The following SCAPER variants were observed in gnomAD, a reference collection of about 807,000 sequenced individuals.
The protein encoded by SCAPER is S phase cyclin A-associated protein in the endoplasmic reticulum.
In SCAPER, 98 loss-of-function variants were observed where a neutral mutation model predicts 182.2. The ratio of observed to expected loss-of-function variants is 0.54; its 90% CI spans 0.46 to 0.64. The LOEUF (loss-of-function observed/expected upper bound fraction) is 0.64. Among genes scored for constraint, SCAPER ranks in the 30% least tolerant of loss-of-function variants. SCAPER has a pLI of 0.00. For missense variants in SCAPER, 1,432 were observed against 1,690.0 expected (o/e 0.85, Z 2.68); for synonymous variants, 605 against 564.6 (o/e 1.07, Z -1.01).
chr15:76,399,761 T>C (rs2142095497), intron 27 of SCAPER, among the ~76,000 whole-genome samples: 1 of 151,920 alleles, frequency 6.6e-6, no homozygotes, highest in East Asian at 1.9e-4. Context: ...TCCTAACACT[T>C]TGGGAGGCTG....
chr15:76,887,839 C>A (rs1375378536), intron 1 of SCAPER, among the ~76,000 whole-genome samples: 2 of 152,334 alleles, frequency 1.3e-5, no homozygotes, highest in East Asian at 3.9e-4. Flanking sequence ...TGAGGACAGA[C>A]AGACTGCCTC....
intron 2 of SCAPER, among the ~76,000 whole-genome samples, chr15:76,876,240 C>A (rs2073150226): frequency 6.6e-6 from 1 of 152,152 alleles, no homozygotes; most frequent in Non-Finnish European, 1.5e-5. Context: ...CTGGCCTCAA[C>A]CAGCCCAGAG....
rs773031883 is a variant in SCAPER, at chr15:76,733,310, T to C, written c.1941A>G (p.Glu647=). 6 of 1,613,206 alleles carry C rather than the reference T, an allele frequency of 3.7e-6. No individual in the cohort carries two copies. The highest frequency in any genetic ancestry group is 3.3e-5 in the South Asian group (3 of 90,874). The part of the protein sequence containing the change: ...KRHDVLSKLK[E]YEQRLNELQE... ...GTAGCTCATTAAGCCTCTGTTCATA[T>C]TCCTTCAATTTTGATAAAACATCAT... Residue 647 remains glutamate (E), a synonymous_variant, in exon 16 of 32, where the codon GAA becomes GAG. Transcript: ENST00000563290.
chr15:76,665,815 A>C, intron 20 of SCAPER, 26 bp from the exon 21 acceptor site: 1 of 1,462,418 alleles, frequency 6.8e-7, no homozygotes. Context: ...ATAAAATAAT[A>C]ATAATGAGGA....
At chr15:76,406,702 C>G (rs1227603750) in intron 26 of SCAPER, among the ~76,000 whole-genome samples, 1 of 152,048 alleles carries the variant, frequency 6.6e-6, no homozygotes, top group Non-Finnish European at 1.5e-5. Context: ...AATGAATTAT[C>G]CCAAGAACAC....
intron 23 of SCAPER, among the ~76,000 whole-genome samples, chr15:76,536,804 T>C (rs557298720): frequency 6.6e-6 from 1 of 152,208 alleles, no homozygotes; most frequent in Non-Finnish European, 1.5e-5. Context: ...CATGATTCTA[T>C]TATCTAGAAA....
chr15:76,555,221 G>A (rs1026672534), intron 23 of SCAPER, among the ~76,000 whole-genome samples: 34 of 152,102 alleles, frequency 2.2e-4, no homozygotes, highest in African/African-American at 2.9e-4. Flanking sequence ...ACTCCTCTAC[G>A]AAAGGTCCTT....
chr15:76,631,210 T>C (rs1488909693), intron 21 of SCAPER, among the ~76,000 whole-genome samples: 1 of 152,228 alleles, frequency 6.6e-6, no homozygotes, highest in Non-Finnish European at 1.5e-5. Flanking sequence ...AGCTTTTGAA[T>C]GCAGCACACT....
At chr15:76,495,577 CAAAAAAAA>C (rs71444987) in intron 24 of SCAPER, among the ~76,000 whole-genome samples, 4 of 56,956 alleles carry the variant, frequency 7.0e-5, no homozygotes, top group African/African-American at 1.4e-4. Context: ...GACTTGGTCT[CAAAAAAAA>C]AAAAAAAAAA....
chr15:76,490,831 G>C (rs117357387), intron 24 of SCAPER, among the ~76,000 whole-genome samples: 1 of 152,002 alleles, frequency 6.6e-6, no homozygotes, highest in Non-Finnish European at 1.5e-5. Context: ...ATAAGATAAG[G>C]GTCCAGTTTC....
chr15:76,504,524 T>C (rs966113984), intron 24 of SCAPER, among the ~76,000 whole-genome samples: 1 of 152,252 alleles, frequency 6.6e-6, no homozygotes, highest in South Asian at 2.1e-4. Context: ...TTTTTTCACA[T>C]GTAACACAGT....
Position 76,434,185 on chromosome 15 carries a change from T to G in SCAPER, c.3204A>C (p.Arg1068=), listed in dbSNP as rs760393864. Residue 1068 remains arginine, a synonymous_variant, in exon 26 of 32, where the codon CGA becomes CGC. Transcript: ENST00000563290. Reference sequence around the variant, plus strand: ...TAGCTGGCTGGCAGTTTCCATCTGGTCGATTGGCAATCAGGCAGCCCAAAA... The same window carrying G: ...TAGCTGGCTGGCAGTTTCCATCTGGGCGATTGGCAATCAGGCAGCCCAAAA... ...AVVLGCLIAN[R]PDGNCQPATP... is the part of the protein sequence containing the mutation. 23 of 1,613,872 alleles carry G rather than the reference T, an allele frequency of 1.4e-5. No individual in the cohort carries two copies. The highest frequency in any genetic ancestry group is 1.8e-5 in the Non-Finnish European group (21 of 1,179,882).
At chr15:76,889,576 G>T (rs571473198) in intron 1 of SCAPER, among the ~76,000 whole-genome samples, 2 of 152,168 alleles carry the variant, frequency 1.3e-5, no homozygotes, top group South Asian at 4.1e-4. Context: ...AGACAAAGAA[G>T]GCCATTACAT....
In SCAPER at chr15:76,507,889, A is replaced by C. The variant is rs565441523; in HGVS notation, c.2839-2915T>G. Among the ~76,000 whole-genome samples the C allele has an allele frequency of 4.6e-4, 70 of 152,328 alleles. 1 individual carries two copies. The highest frequency in any genetic ancestry group is 1.6e-3 in the Admixed American group (24 of 15,284). Reference sequence around the variant, plus strand: ...AATGCTGTTGTTACTGCCTCTGTTTATGCTAGGATGTCAACATATTTAGAA... The same window carrying C: ...AATGCTGTTGTTACTGCCTCTGTTTCTGCTAGGATGTCAACATATTTAGAA... On this transcript the variant is annotated intron_variant, in intron 23 of 31. Coordinates refer to ENST00000563290, the MANE Select transcript of SCAPER (RefSeq NM_020843.4).
At chr15:76,768,951 T>C (rs913188231) in intron 10 of SCAPER, among the ~76,000 whole-genome samples, 3 of 152,134 alleles carry the variant, frequency 2.0e-5, no homozygotes, top group Non-Finnish European at 4.4e-5. Flanking sequence ...GAACAAACAT[T>C]GTGTTACATG....
intron 24 of SCAPER, among the ~76,000 whole-genome samples, chr15:76,500,573 C>A (rs1238652140): frequency 2.0e-5 from 3 of 151,986 alleles, no homozygotes; most frequent in Non-Finnish European, 4.4e-5. Flanking sequence ...TACAAACTGG[C>A]AACACAAAGT....
intron 1 of SCAPER, among the ~76,000 whole-genome samples, chr15:76,896,309 T>C (rs1254371965): frequency 6.6e-6 from 1 of 152,082 alleles, no homozygotes; most frequent in Non-Finnish European, 1.5e-5. Flanking sequence ...AGGTCAACGC[T>C]GCAGTGAGTT....
chr15:76,871,802 G>C lies in SCAPER; in HGVS notation c.7-9269C>G, dbSNP rs181402703. 1.5e-3 allele frequency among the ~76,000 whole-genome samples: 222 copies of C among 152,000 alleles called. 2 individuals carry two copies. Among genetic ancestry groups the C allele is most frequent in the African/African-American group, 4.8e-3 (201 of 41,474 alleles). On this transcript the variant is annotated intron_variant, in intron 2 of 31. Coordinates refer to ENST00000563290, the MANE Select transcript of SCAPER (RefSeq NM_020843.4). ...GACAGGGTTTCACCATGTTGGCCAG[G>C]CTGGTCTCAAACTCCTGACCTCAAG...
chr15:76,825,283 T>C (rs529681713), intron 5 of SCAPER, among the ~76,000 whole-genome samples: 2 of 152,250 alleles, frequency 1.3e-5, no homozygotes, highest in African/African-American at 4.8e-5. Flanking sequence ...ACAACTAGCT[T>C]AGAGGACACA....
Sources: gnomAD v4.1 joint callset for allele counts (sites outside exome capture counted in the v4.1 genomes callset) on GRCh38, gnomAD v4.1.1 for gene constraint, MANE v1.5 for transcripts, NCBI Gene and HGNC (gene_info 2026-07-23, HGNC 2026-07-21) for gene names.